The following GRIP1 variants were observed in gnomAD, a reference collection of about 807,000 sequenced individuals.
GRIP1 encodes the protein glutamate receptor interacting protein 1.
In GRIP1, 45 loss-of-function variants were observed where a neutral mutation model predicts 129.9. The observed-to-expected ratio is 0.35, with a 90% CI of 0.27 to 0.44. The LOEUF is 0.44. Ranked by LOEUF, GRIP1 falls within the 20% of genes least tolerant of loss-of-function variation. GRIP1 has a pLI of 1.00. For synonymous variants in GRIP1, 530 were observed against 520.8 expected, an observed-to-expected ratio of 1.02 and a Z score of -0.24; for missense variants, 1,196 against 1,396.8, an observed-to-expected ratio of 0.86 and a Z score of 2.29.
intron 2 of GRIP1, chr12:66,569,302 T>A (rs1428248294): frequency 1.3e-5 from 2 of 159,416 alleles, no homozygotes; most frequent in Non-Finnish European, 2.7e-5. Context: ...GACAGTGAAA[T>A]CCCGTCTCTG....
intron 1 of GRIP1, among the ~76,000 whole-genome samples, chr12:66,791,303 G>A (rs561997581): frequency 1.3e-5 from 2 of 152,252 alleles, no homozygotes; most frequent in East Asian, 1.9e-4. Context: ...GTGTGTTTCC[G>A]GATGGGAGGA....
At chr12:66,444,841 G>A (rs894431275) in intron 12 of GRIP1, 112 bp from the exon 13 acceptor site, 6 of 1,112,688 alleles carry the variant, frequency 5.4e-6, no homozygotes, top group African/African-American at 1.5e-5. Context: ...ATTTGGTCTT[G>A]CTTATTCAAT....
intron 15 of GRIP1, among the ~76,000 whole-genome samples, chr12:66,418,956 G>A (rs557212039): frequency 1.3e-5 from 2 of 152,256 alleles, no homozygotes; most frequent in East Asian, 3.9e-4. Context: ...ATACCCAAAA[G>A]AAAGGAAATC....
chr12:66,980,483 C>T (rs147308920), intron 1 of GRIP1, among the ~76,000 whole-genome samples: 145 of 152,200 alleles, frequency 9.5e-4, no homozygotes, highest in African/African-American at 3.1e-3. Context: ...TGGTGGCACA[C>T]GTCTGTAGTC....
chr12:66,446,954 T>G (rs1044033038), intron 11 of GRIP1, among the ~76,000 whole-genome samples: 1 of 152,232 alleles, frequency 6.6e-6, no homozygotes, highest in African/African-American at 2.4e-5. Context: ...CTTTATGACT[T>G]TCAGTCCCAT....
intron 2 of GRIP1, among the ~76,000 whole-genome samples, chr12:66,588,016 A>G (rs1424907309): frequency 6.6e-6 from 1 of 151,948 alleles, no homozygotes; most frequent in Non-Finnish European, 1.5e-5. Flanking sequence ...ATATTTATAT[A>G]TAGATATTAT....
intron 5 of GRIP1, among the ~76,000 whole-genome samples, chr12:66,523,963 C>T (rs78196466): frequency 0.27 from 41,133 of 152,008 alleles, 5,733 homozygotes; most frequent in Middle Eastern, 0.33. Context: ...GGGATCAATT[C>T]AACAAGAAGA....
rs539410745 is a variant in GRIP1 at position 66,723,378 on chromosome 12, T to C, written c.-420+80675A>G. Among the ~76,000 whole-genome samples the C allele has an allele frequency of 8.9e-5, 13 of 145,914 alleles. No homozygotes were observed. In the East Asian group the frequency reaches 1.7e-3, roughly 19 times the overall value. On this transcript the variant is annotated intron_variant, in intron 1 of 4. Coordinates refer to the GRIP1 transcript ENST00000538373. The stretch of plus-strand genomic sequence containing the variant: ...CCCAGGCTGGAGTGCAGTGGTGCGA[T>C]AGCAGCTCATTGCAACCTCCACCTC...
chr12:66,525,486 C>T (rs1462604262), intron 5 of GRIP1, among the ~76,000 whole-genome samples: 1 of 151,954 alleles, frequency 6.6e-6, no homozygotes, highest in Non-Finnish European at 1.5e-5. Flanking sequence ...AACAACACTT[C>T]ATGCTAAAAA....
intron 1 of GRIP1, among the ~76,000 whole-genome samples, chr12:66,599,594 A>G (rs899830982): frequency 1.3e-5 from 2 of 152,224 alleles, no homozygotes; most frequent in African/African-American, 4.8e-5. Flanking sequence ...GAAAATAGAA[A>G]TGGAGAAAAC....
At chr12:66,419,768 C>T (rs1202757238) in intron 15 of GRIP1, among the ~76,000 whole-genome samples, 1 of 152,194 alleles carries the variant, frequency 6.6e-6, no homozygotes, top group East Asian at 1.9e-4. Flanking sequence ...ATCACCTAAA[C>T]TCACACAATG....
intron 2 of GRIP1, among the ~76,000 whole-genome samples, chr12:66,584,565 A>T (rs1204054635): frequency 1.3e-5 from 2 of 152,108 alleles, no homozygotes; most frequent in Non-Finnish European, 2.9e-5. Flanking sequence ...AAATAAAATA[A>T]AATATTCTGG....
intron 1 of GRIP1, among the ~76,000 whole-genome samples, chr12:66,687,692 A>C (rs1263678773): frequency 6.6e-6 from 1 of 152,200 alleles, no homozygotes; most frequent in African/African-American, 2.4e-5. Context: ...TCATGCTTAA[A>C]CAGCATCAAG....
At chr12:66,816,624 T>C (rs1004013064) in intron 1 of GRIP1, among the ~76,000 whole-genome samples, 1 of 152,182 alleles carries the variant, frequency 6.6e-6, no homozygotes, top group African/African-American at 2.4e-5. Flanking sequence ...CACTGGTACA[T>C]TTTAAGAAAA....
chr12:66,806,839 C>T (rs922628843), upstream of GRIP1, among the ~76,000 whole-genome samples: 1 of 150,622 alleles, frequency 6.6e-6, no homozygotes, highest in African/African-American at 2.4e-5. Context: ...CATTTGTTAA[C>T]ATTTCAGTAT....
chr12:66,875,999 G>A (rs1284939057), intron 1 of GRIP1, among the ~76,000 whole-genome samples: 1 of 151,982 alleles, frequency 6.6e-6, no homozygotes, highest in Non-Finnish European at 1.5e-5. Context: ...GATTTTATTA[G>A]TATAACTTCA....
intron 1 of GRIP1, among the ~76,000 whole-genome samples, chr12:66,802,700 G>A (rs1446888676): frequency 6.6e-6 from 1 of 152,136 alleles, no homozygotes; most frequent in East Asian, 1.9e-4. Flanking sequence ...TCTGTACAAT[G>A]TCTACCAGTC....
chr12:66,961,529 A>G (rs1228436184), intron 1 of GRIP1, among the ~76,000 whole-genome samples: 2 of 152,222 alleles, frequency 1.3e-5, no homozygotes, highest in Non-Finnish European at 2.9e-5. Flanking sequence ...AAAAACTACA[A>G]AAACCGGTTT....
intron 1 of GRIP1, among the ~76,000 whole-genome samples, chr12:66,765,630 T>C (rs1417243646): frequency 6.6e-6 from 1 of 152,212 alleles, no homozygotes; most frequent in Admixed American, 6.5e-5. Flanking sequence ...CATGGTAGCT[T>C]CACATGGCTT....
Sources: gnomAD v4.1 joint callset for allele counts (sites outside exome capture counted in the v4.1 genomes callset) on GRCh38, gnomAD v4.1.1 for gene constraint, MANE v1.5 for transcripts, NCBI Gene and HGNC (gene_info 2026-07-23, HGNC 2026-07-21) for gene names.